The following OTUD7A variants were observed in gnomAD, a reference collection of about 807,000 sequenced individuals.
OTUD7A encodes OTU deubiquitinase 7A.
Under a neutral mutation model 65.7 loss-of-function variants are expected in OTUD7A, and 12 were observed. The ratio of observed to expected loss-of-function variants is 0.18; its 90% confidence interval spans 0.12 to 0.30. The LOEUF is 0.30. OTUD7A is among the 10% of genes least tolerant of loss of function. The probability of loss-of-function intolerance (pLI) is 1.00; values close to 1 mark genes in which losing one functional copy is unlikely to be tolerated. For missense variants in OTUD7A, 1,148 were observed against 1,304.8 expected, an observed-to-expected ratio of 0.88 and a Z score of 1.85; for synonymous variants, 641 against 586.3, an observed-to-expected ratio of 1.09 and a Z score of -1.35.
intron 3 of OTUD7A, among the ~76,000 whole-genome samples, chr15:31,625,665 C>T (rs1595666504): frequency 6.6e-6 from 1 of 152,026 alleles, no homozygotes; most frequent in African/African-American, 2.4e-5. Context: ...AGGTGTTTAC[C>T]CAAGAAAAGC....
intron 1 of OTUD7A, among the ~76,000 whole-genome samples, chr15:31,847,624 G>A (rs912536514): frequency 2.6e-5 from 4 of 152,170 alleles, no homozygotes; most frequent in African/African-American, 9.7e-5. Flanking sequence ...CTCTGATAAT[G>A]TCGTGACCAT....
intron 1 of OTUD7A, among the ~76,000 whole-genome samples, chr15:31,732,571 A>C (rs1277800845): frequency 6.6e-6 from 1 of 152,192 alleles, no homozygotes; most frequent in African/African-American, 2.4e-5. Flanking sequence ...GGAGAAGTCT[A>C]CTCTAGTCAC....
chr15:31,829,925 C>T (rs891471161), intron 1 of OTUD7A, among the ~76,000 whole-genome samples: 2 of 152,218 alleles, frequency 1.3e-5, no homozygotes, highest in African/African-American at 2.4e-5. Flanking sequence ...ATCTCTGCTG[C>T]CGTGGTAGCC....
intron 5 of OTUD7A, among the ~76,000 whole-genome samples, chr15:31,552,615 GC>G (rs1482608102): frequency 6.6e-6 from 1 of 152,228 alleles, no homozygotes; most frequent in Non-Finnish European, 1.5e-5. Flanking sequence ...AGAGCCTGAC[GC>G]CCCCTCAGGG....
chr15:31,653,078 G>A (rs575282607), intron 3 of OTUD7A, among the ~76,000 whole-genome samples: 3 of 151,984 alleles, frequency 2.0e-5, no homozygotes, highest in South Asian at 2.1e-4. Flanking sequence ...TTGAAATCCC[G>A]TCTCTACTAA....
chr15:31,870,485 A>T (rs1372281337), intron 1 of OTUD7A, 22 bp downstream of exon 1: 3 of 147,178 alleles, frequency 2.0e-5, no homozygotes, highest in African/African-American at 7.4e-5. Flanking sequence ...CGCCGGCAGC[A>T]CCGCGGCCAG....
intron 1 of OTUD7A, among the ~76,000 whole-genome samples, chr15:31,860,059 A>G (rs1897679684): frequency 6.6e-6 from 1 of 152,306 alleles, no homozygotes; most frequent in Admixed American, 6.5e-5. Context: ...GATTGTTTCA[A>G]ATATGACATA....
At position 31,698,456 on chromosome 15, in the gene OTUD7A, A is replaced by T. The variant is rs568091887; in HGVS notation, c.-99-41379T>A. Reference sequence around the variant, plus strand: ...TCTCAAAGTGAGGCCCCTGGCCCACAACATCAGCATTGTTGGAGATTTGTT... The same window carrying T: ...TCTCAAAGTGAGGCCCCTGGCCCACTACATCAGCATTGTTGGAGATTTGTT... On this transcript the variant is annotated intron_variant, in intron 1 of 12. Transcript: ENST00000307050. 1.2e-4 allele frequency among the ~76,000 whole-genome samples: 19 copies of T among 152,340 alleles called. No homozygotes were observed. The South Asian group carries it at 3.5e-3, about 28-fold the overall frequency.
At chr15:31,582,407 C>T (rs554441654) in intron 3 of OTUD7A, among the ~76,000 whole-genome samples, 1 of 152,310 alleles carries the variant, frequency 6.6e-6, no homozygotes, top group East Asian at 1.9e-4. Context: ...TACAGCACCA[C>T]CCCATTCTAC....
intron 1 of OTUD7A, among the ~76,000 whole-genome samples, chr15:31,770,788 GA>G (rs559899656): frequency 3.3e-5 from 5 of 152,118 alleles, no homozygotes; most frequent in Non-Finnish European, 7.3e-5. Flanking sequence ...CAGAATAAAT[GA>G]AAACGCCAAA....
In OTUD7A at chr15:31,483,264, AACCTCGCCGCCCGCGCCGC is replaced by A. The variant is rs1410525378; in HGVS notation, c.*11_*29del. ...ATGGAAAAGAAATCCTCGAAGGTAG[AACCTCGCCGCCCGCGCCGC>A]GCCGCGCCGCTCAGGGCCGGGCCCC... On this transcript the variant is annotated 3_prime_UTR_variant, in exon 13 of 13. Coordinates refer to ENST00000307050, the MANE Select transcript of OTUD7A (RefSeq NM_001382637.1). 5.6e-6 allele frequency: 6 copies of A among 1,076,062 alleles called. No individual in the cohort carries two copies. The East Asian group carries it at 2.8e-4, about 50-fold the overall frequency. The allele number at this position is 1,076,062 out of a possible 1,614,324, so 66.7% of individuals were successfully genotyped here.
chr15:31,768,363 T>C (rs1207730806), intron 1 of OTUD7A, among the ~76,000 whole-genome samples: 1 of 152,130 alleles, frequency 6.6e-6, no homozygotes, highest in Non-Finnish European at 1.5e-5. Context: ...ACAATATCTA[T>C]AAAGTAAAAG....
At chr15:31,849,375 T>C (rs902031423) in intron 1 of OTUD7A, among the ~76,000 whole-genome samples, 2 of 152,254 alleles carry the variant, frequency 1.3e-5, no homozygotes, top group Non-Finnish European at 2.9e-5. Flanking sequence ...ACTGGATACC[T>C]TCCTTACACC....
chr15:31,488,510 G>C (rs2041271286), intron 10 of OTUD7A, among the ~76,000 whole-genome samples: 1 of 152,192 alleles, frequency 6.6e-6, no homozygotes, highest in South Asian at 2.1e-4. Context: ...GTCTCCCCAA[G>C]TCTTTCCTCG....
At chr15:31,789,404 A>G (rs1405073306) in intron 1 of OTUD7A, among the ~76,000 whole-genome samples, 3 of 152,234 alleles carry the variant, frequency 2.0e-5, no homozygotes, top group Non-Finnish European at 4.4e-5. Flanking sequence ...TTCTAATACT[A>G]AAGGTTAATT....
chr15:31,561,784 T>TCACACACACACACACACA lies in OTUD7A; in HGVS notation c.332-2615_332-2598dup, dbSNP rs3075495. Among the ~76,000 whole-genome samples, 390 of 150,518 alleles carry TCACACACACACACACACA rather than the reference T, an allele frequency of 2.6e-3. 5 individuals are homozygous for TCACACACACACACACACA. Among genetic ancestry groups the TCACACACACACACACACA allele is most frequent in the African/African-American group, 9.0e-3 (367 of 40,964 alleles). On this transcript the variant is annotated intron_variant, in intron 4 of 12. Transcript: ENST00000307050. ...TCATCTCTCTCACACACACACAGAG[T>TCACACACACACACACACA]CACACACACACACACACATTCACAC... is the stretch of plus-strand genomic sequence containing the variant.
At chr15:31,850,142 G>T (rs8033288) in intron 1 of OTUD7A, among the ~76,000 whole-genome samples, 2 of 152,100 alleles carry the variant, frequency 1.3e-5, no homozygotes, top group Non-Finnish European at 2.9e-5. Context: ...TCACAATAGC[G>T]AAGACTTGGA....
chr15:31,501,526 A>G (rs999415281), intron 10 of OTUD7A, among the ~76,000 whole-genome samples, 164 bp downstream of exon 10: 5 of 152,192 alleles, frequency 3.3e-5, no homozygotes, highest in Non-Finnish European at 7.3e-5. Flanking sequence ...ACGTTCACAC[A>G]TGCATAAGGT....
At chr15:31,547,914 AAAG>A (rs1236831381) in intron 5 of OTUD7A, among the ~76,000 whole-genome samples, 1 of 152,240 alleles carries the variant, frequency 6.6e-6, no homozygotes, top group East Asian at 1.9e-4. Flanking sequence ...TTTGCCCTAA[AAAG>A]AAGGTTAATG....
Sources: allele counts gnomAD v4.1 joint callset (sites outside exome capture counted in the v4.1 genomes callset), GRCh38; gene constraint gnomAD v4.1.1; transcripts MANE v1.5; gene names NCBI Gene and HGNC (gene_info 2026-07-23, HGNC 2026-07-21).